The following LGI2 variants were observed in gnomAD, a reference collection of about 807,000 sequenced individuals.
LGI2 encodes leucine rich repeat LGI family member 2.
A neutral mutation model predicts 52.0 loss-of-function variants in LGI2; 30 were observed. The ratio of observed to expected loss-of-function variants is 0.58; its 90% CI spans 0.43 to 0.78. The LOEUF is 0.78. Among genes scored for constraint, LGI2 ranks in the 30% least tolerant of loss-of-function variants. The pLI is 0.00. For synonymous variants in LGI2, 270 were observed against 271.8 expected, an observed-to-expected ratio of 0.99 and a Z score of 0.06; for missense variants, 573 against 692.5, an observed-to-expected ratio of 0.83 and a Z score of 1.94.
In LGI2 at chr4:25,012,509, G is replaced by C; in HGVS notation, c.656-10C>G. The C allele has an allele frequency of 1.2e-6, 2 of 1,611,808 alleles. No homozygotes were observed. Among genetic ancestry groups the C allele is most frequent in the Non-Finnish European group, 1.7e-6 (2 of 1,178,370 alleles). ...TGATGAACAACAAAATCTGGGGATG[G>C]GTGTTTAAAAAGAAAAGCGTTCATA... On this transcript the variant is annotated splice_polypyrimidine_tract_variant and intron_variant, in intron 6 of 7. Transcript: ENST00000382114.
intron 7 of LGI2, among the ~76,000 whole-genome samples, chr4:25,008,849 G>T (rs1725477211): frequency 6.6e-6 from 1 of 152,158 alleles, no homozygotes; most frequent in African/African-American, 2.4e-5. Context: ...GAGACTGAGG[G>T]GCTGAGGAAT....
the LGI2 span, among the ~76,000 whole-genome samples, chr4:24,993,430 G>A: frequency 1.3e-5 from 2 of 152,166 alleles, no homozygotes; most frequent in Non-Finnish European, 1.5e-5. Flanking sequence ...TCTGCCTGGT[G>A]CCTGGTACCC....
chr4:25,030,381 A>T, intron 1 of LGI2, 116 bp downstream of exon 1: 1 of 1,110,168 alleles, frequency 9.0e-7, no homozygotes, highest in Non-Finnish European at 1.3e-6. Context: ...AAAGGCAAAG[A>T]AGGGGCCTGG....
chr4:25,014,326 T>C (rs544820912), intron 6 of LGI2, among the ~76,000 whole-genome samples: 10 of 152,360 alleles, frequency 6.6e-5, no homozygotes, highest in African/African-American at 2.2e-4. Context: ...CAGAGCATTT[T>C]ACAAATCTAG....
chr4:24,993,875 A>G (rs1440184539), downstream of LGI2, among the ~76,000 whole-genome samples: 1 of 152,220 alleles, frequency 6.6e-6, no homozygotes, highest in East Asian at 1.9e-4. Flanking sequence ...TACTTCAGCA[A>G]TATGTGCAGA....
At position 25,003,676 on chromosome 4, in the gene LGI2, A is replaced by C; in HGVS notation, c.1413T>G (p.Ser471=). 5 of 1,614,228 alleles carry C rather than the reference A, an allele frequency of 3.1e-6. No homozygotes were observed. The highest frequency in any genetic ancestry group is 4.2e-6 in the Non-Finnish European group (5 of 1,180,030). Residue 471 remains serine (S), a synonymous_variant, in exon 8 of 8, where the codon TCT becomes TCG. Coordinates refer to ENST00000382114, the MANE Select transcript of LGI2 (RefSeq NM_018176.4). ...GGGCCAGGTAGTGATTATCTTTAAAAGAAAAGGGCTGCAGGGTCATGGCCC... is the reference window on the plus strand; with the variant it reads ...GGGCCAGGTAGTGATTATCTTTAAACGAAAAGGGCTGCAGGGTCATGGCCC... The part of the protein sequence containing the change: ...SRGAMTLQPF[S]FKDNHYLALG...
chr4:25,009,399 T>C (rs2109409053), intron 7 of LGI2, among the ~76,000 whole-genome samples: 1 of 152,276 alleles, frequency 6.6e-6, no homozygotes, highest in Middle Eastern at 3.4e-3. Flanking sequence ...CTTATTCAAG[T>C]AGCACCTTCT....
intron 6 of LGI2, among the ~76,000 whole-genome samples, chr4:25,016,870 C>T (rs1023421215): frequency 5.3e-5 from 8 of 152,124 alleles, no homozygotes; most frequent in African/African-American, 1.9e-4. Flanking sequence ...CAGCTCTCAG[C>T]CTGAATGTTT....
chr4:25,030,515 G>A lies in LGI2; in HGVS notation c.179C>T (p.Pro60Leu). ...CACTCACAGGGAGCTGATGTCGCCC[G>A]GCACGATCCTGGGCACCCAGGAAGA... ...VGSSWVPRIVPGDISSLSLVN... is the reference protein window; with the variant it reads ...VGSSWVPRIVLGDISSLSLVN... Residue 60 changes from proline to leucine, a missense_variant, in exon 1 of 8, where the codon CCG (proline) becomes CTG (leucine). Physicochemically the swap from Pro to Leu is moderately conservative, Grantham distance 98. Coordinates refer to ENST00000382114, the MANE Select transcript of LGI2 (RefSeq NM_018176.4). The A allele has an allele frequency of 1.3e-6, 2 of 1,593,396 alleles. 1 individual carries two copies. The highest frequency in any genetic ancestry group is 1.7e-6 in the Non-Finnish European group (2 of 1,171,770).
chr4:25,012,458 C>T lies in LGI2; in HGVS notation c.697G>A (p.Val233Met). 1 of 1,614,228 alleles carries T rather than the reference C, an allele frequency of 6.2e-7. No homozygotes were observed. The highest frequency in any genetic ancestry group is 8.5e-7 in the Non-Finnish European group (1 of 1,180,036). The stretch of plus-strand genomic sequence containing the variant: ...TCGTTCTTGGAGTTGAACGTATCCA[C>T]TGAAACCGACTGGTAGGGTAAAGTC... ...HQTLPYQSVSVDTFNSKNDVY... is the reference protein window; with the variant it reads ...HQTLPYQSVSMDTFNSKNDVY... Residue 233 changes from valine (V) to methionine (M), a missense_variant, in exon 7 of 8, where the codon GTG becomes ATG. By Grantham distance (21) the Val-to-Met change is conservative. Coordinates refer to ENST00000382114, the MANE Select transcript of LGI2 (RefSeq NM_018176.4).
In LGI2 at chr4:25,024,840, G is replaced by A; in HGVS notation, c.393C>T (p.Gly131=). The change falls in exon 4 of 8, where the codon GGC becomes GGT. Residue 131 remains glycine, a synonymous_variant. Transcript: ENST00000382114. ...CTTACAGGTGAGTCAGGTCACGGAG[G>A]CCACGAAAGGCATTTCTTGAAATGG... The part of the protein sequence containing the change: ...IETISRNAFR[G]LRDLTHLSLA... The A allele has an allele frequency of 6.2e-7, 1 of 1,608,144 alleles. No individual in the cohort carries two copies. Among genetic ancestry groups the A allele is most frequent in the South Asian group, 1.1e-5 (1 of 89,708 alleles).
rs972316924 is a variant in LGI2, at chr4:24,999,793, C to T, written c.*3658G>A. The T allele has an allele frequency of 6.6e-6, 3 of 455,782 alleles. No individual in the cohort carries two copies. The highest frequency in any genetic ancestry group is 1.3e-5 in the Non-Finnish European group (3 of 226,832). 28.2% of individuals were successfully genotyped at this position (455,782 alleles called of 1,614,324 possible). The stretch of plus-strand genomic sequence containing the variant: ...CTCACTCCATGGGGAAGAAAAAATG[C>T]AACTCTGCCATTTCCAGTGTGCTTC... On this transcript the variant is annotated 3_prime_UTR_variant, in exon 8 of 8. Coordinates refer to ENST00000382114, the MANE Select transcript of LGI2 (RefSeq NM_018176.4).
At chr4:25,028,654 T>G in intron 1 of LGI2, 76 bp from the exon 2 acceptor site, 3 of 1,209,806 alleles carry the variant, frequency 2.5e-6, no homozygotes, top group Non-Finnish European at 3.6e-6. Context: ...AATCAAACTC[T>G]GCCTCCACCT....
chr4:24,994,276 T>A (rs1724989593), downstream of LGI2, among the ~76,000 whole-genome samples: 1 of 152,200 alleles, frequency 6.6e-6, no homozygotes, highest in Non-Finnish European at 1.5e-5. Context: ...AAATATATTG[T>A]CCTGGTCTCT....
At chr4:25,012,583 TC>T in intron 6 of LGI2, 84 bp from the exon 7 acceptor site, 1 of 1,435,976 alleles carries the variant, frequency 7.0e-7, no homozygotes, top group Non-Finnish European at 9.6e-7. Flanking sequence ...CATCATCACA[TC>T]AGCTCTGAAA....
rs372914536 is a variant in LGI2 at position 25,009,868 on chromosome 4, T to C, written c.820+2467A>G. On this transcript the variant is annotated intron_variant, in intron 7 of 7. Coordinates refer to ENST00000382114, the MANE Select transcript of LGI2 (RefSeq NM_018176.4). Reference sequence around the variant, plus strand: ...CCAGGTTGGTCTCAAACTCCTGACCTCGTGATCCACCTGCCTCGGCCTCCC... The same window carrying C: ...CCAGGTTGGTCTCAAACTCCTGACCCCGTGATCCACCTGCCTCGGCCTCCC... Among the ~76,000 whole-genome samples the C allele has an allele frequency of 6.6e-4, 101 of 152,188 alleles. No homozygotes were observed. The South Asian group carries it at 0.013, about 19-fold the overall frequency.
intron 6 of LGI2, among the ~76,000 whole-genome samples, chr4:25,015,291 C>T (rs978460060): frequency 6.6e-6 from 1 of 152,202 alleles, no homozygotes; most frequent in Non-Finnish European, 1.5e-5. Flanking sequence ...GGGAAGCTAA[C>T]AGGACAATTA....
At position 25,003,626 on chromosome 4, in the gene LGI2, T is replaced by C. The variant is rs2109403397; in HGVS notation, c.1463A>G (p.Gln488Arg). Residue 488 changes from glutamine (Q) to arginine (R), a missense_variant, in exon 8 of 8, where the codon CAG becomes CGG. Coordinates refer to ENST00000382114, the MANE Select transcript of LGI2 (RefSeq NM_018176.4). Reference sequence around the variant, plus strand: ...CTTCTCTTTATCCCACTGGTATATCTGAGAGAATGTATAGTCACTCCCCAG... The same window carrying C: ...CTTCTCTTTATCCCACTGGTATATCCGAGAGAATGTATAGTCACTCCCCAG... ...LALGSDYTFS[Q>R]IYQWDKEKQL... 1 of 1,614,198 alleles carries C rather than the reference T, an allele frequency of 6.2e-7. No individual in the cohort carries two copies. Among genetic ancestry groups the C allele is most frequent in the East Asian group, 2.2e-5 (1 of 44,884 alleles).
At position 25,030,794 on chromosome 4, in the gene LGI2, G is replaced by C. The variant is rs1285068299; in HGVS notation, c.-101C>G. On this transcript the variant is annotated 5_prime_UTR_variant, in exon 1 of 8. Transcript: ENST00000382114. ...CGCGGGCGCCGCTCGCTGCTCTGCC[G>C]CCGCCGCTGCTGGCGAGGACTAGGG... 1.6e-6 allele frequency: 1 copy of C among 607,848 alleles called. No individual in the cohort carries two copies. The highest frequency in any genetic ancestry group is 7.0e-5 in the South Asian group (1 of 14,322). The allele number at this position is 607,848 out of a possible 1,614,324, so 37.7% of individuals were successfully genotyped here.
Sources: allele counts gnomAD v4.1 joint callset (sites outside exome capture counted in the v4.1 genomes callset), GRCh38; gene constraint gnomAD v4.1.1; transcripts MANE v1.5; gene names NCBI Gene and HGNC (gene_info 2026-07-23, HGNC 2026-07-21).